Variants in CREBBP observed in about 807,000 individuals in gnomAD.
CREBBP encodes the protein CREB binding lysine acetyltransferase, also known as CREB-binding protein.
Under a neutral mutation model 265.0 loss-of-function variants are expected in CREBBP, and 19 were observed. The observed-to-expected ratio is 0.07, with a 90% CI of 0.05 to 0.11. The LOEUF is 0.11. Among genes scored for constraint, CREBBP ranks in the 10% least tolerant of loss-of-function variants. The pLI is 1.00. For missense variants in CREBBP, 2,525 were observed against 3,219.0 expected (o/e 0.78, Z 5.22); for synonymous variants, 1,457 against 1,223.7 (o/e 1.19, Z -3.98).
At chr16:3,839,164 A>G (rs146441438) in intron 2 of CREBBP, among the ~76,000 whole-genome samples, 2 of 152,356 alleles carry the variant, frequency 1.3e-5, no homozygotes, top group African/African-American at 2.4e-5. Flanking sequence ...GAGAGATTAA[A>G]TAAGTTTCCC....
At chr16:3,836,601 T>C (rs191942288) in intron 2 of CREBBP, among the ~76,000 whole-genome samples, 2 of 152,152 alleles carry the variant, frequency 1.3e-5, no homozygotes, top group East Asian at 3.9e-4. Flanking sequence ...TTTTGACAAA[T>C]ATAAGATCTG....
intron 2 of CREBBP, among the ~76,000 whole-genome samples, chr16:3,811,105 C>T (rs1247221337): frequency 6.6e-6 from 1 of 152,074 alleles, no homozygotes; most frequent in Non-Finnish European, 1.5e-5. Flanking sequence ...AAAGCTGCTA[C>T]CCAAGGGGAA....
chr16:3,824,228 G>A (rs148050078), intron 2 of CREBBP, among the ~76,000 whole-genome samples: 7 of 152,392 alleles, frequency 4.6e-5, no homozygotes, highest in East Asian at 1.9e-4. Flanking sequence ...CTGCAAAGGC[G>A]AGCTAAATGG....
rs376490970 is a variant in CREBBP at position 3,831,916 on chromosome 16, G to T, written c.798+18381C>A. Reference sequence around the variant, plus strand: ...GGAGGCTGACGTGGGAGAACTGTTTGAACCCAGGACGTGGAGGCTGCAGTG... The same window carrying T: ...GGAGGCTGACGTGGGAGAACTGTTTTAACCCAGGACGTGGAGGCTGCAGTG... On this transcript the variant is annotated intron_variant, in intron 2 of 30. Coordinates refer to ENST00000262367, the MANE Select transcript of CREBBP (RefSeq NM_004380.3). 2.6e-5 allele frequency among the ~76,000 whole-genome samples: 4 copies of T among 152,062 alleles called. No individual in the cohort carries two copies. In the East Asian group the frequency reaches 7.7e-4, roughly 29 times the overall value.
rs1390790733 is a variant in CREBBP, at chr16:3,774,574, G to A, written c.2278C>T (p.Pro760Ser). 1 of 1,614,042 alleles carries A rather than the reference G, an allele frequency of 6.2e-7. No homozygotes were observed. Among genetic ancestry groups the A allele is most frequent in the Non-Finnish European group, 8.5e-7 (1 of 1,180,030 alleles). The change falls in exon 12 of 31, where the codon CCA becomes TCA. Residue 760 changes from proline (P) to serine (S), a missense_variant. Pro to Ser is a moderately conservative substitution (Grantham distance 74). Coordinates refer to ENST00000262367, the MANE Select transcript of CREBBP (RefSeq NM_004380.3). Reference sequence around the variant, plus strand: ...CAGCGAAAGAGAACACTTACCCCTGGCACTGAGCCCATGCTGTTCATCTGG... The same window carrying A: ...CAGCGAAAGAGAACACTTACCCCTGACACTGAGCCCATGCTGTTCATCTGG... ...SVQMNSMGSV[P>S]GMAISPSRMP...
intron 2 of CREBBP, among the ~76,000 whole-genome samples, chr16:3,843,915 G>A (rs1439260007): frequency 5.9e-5 from 9 of 151,566 alleles, no homozygotes; most frequent in Non-Finnish European, 7.4e-5. Flanking sequence ...TTGGGAGGCC[G>A]AGGCGGGCGG....
Position 3,725,513 on chromosome 16 carries a change from G to A in CREBBP, c.*2205C>T, listed in dbSNP as rs1261979277. On this transcript the variant is annotated 3_prime_UTR_variant, in exon 31 of 31. Transcript: ENST00000262367. ...CCCTACGGGTGGAAAAGATGAAGAG[G>A]ACACTGGAGGTTAAGAACCCAGCAG... 1 of 233,212 alleles carries A rather than the reference G, an allele frequency of 4.3e-6. No homozygotes were observed. Among genetic ancestry groups the A allele is most frequent in the African/African-American group, 2.2e-5 (1 of 45,354 alleles). 14.4% of individuals were successfully genotyped at this position (233,212 alleles called of 1,614,324 possible).
Position 3,757,387 on chromosome 16 carries a change from A to G in CREBBP, c.3610-11T>C. 1 of 1,601,538 alleles carries G rather than the reference A, an allele frequency of 6.2e-7. No homozygotes were observed. On this transcript the variant is annotated splice_polypyrimidine_tract_variant and intron_variant, in intron 18 of 30. Transcript: ENST00000262367. ...TGGGGAAAACTCATACTGCAAAAAT[A>G]AAGGAGAAATACTTTTATATAAAAA...
At chr16:3,839,214 A>G (rs2054516343) in intron 2 of CREBBP, among the ~76,000 whole-genome samples, 2 of 152,248 alleles carry the variant, frequency 1.3e-5, no homozygotes, top group African/African-American at 4.8e-5. Context: ...GAACTGAGTC[A>G]GCTTATTCCA....
intron 15 of CREBBP, among the ~76,000 whole-genome samples, chr16:3,768,136 G>GTTTTTTTTTTTTTTTTTTTTTT (rs71133655): frequency 1.9e-5 from 1 of 51,610 alleles, no homozygotes; most frequent in Non-Finnish European, 3.5e-5. Context: ...ATTTAAAAGT[G>GTTTTTTTTTTTTTTTTTTTTTT]TTTTTTTTTT....
intron 28 of CREBBP, among the ~76,000 whole-genome samples, chr16:3,733,579 G>A (rs1366826319): frequency 2.0e-5 from 3 of 152,142 alleles, no homozygotes; most frequent in Non-Finnish European, 4.4e-5. Context: ...TTAGTAACAG[G>A]AGAAACTGCG....
At chr16:3,802,859 A>T (rs996786514) in intron 3 of CREBBP, among the ~76,000 whole-genome samples, 2 of 151,954 alleles carry the variant, frequency 1.3e-5, no homozygotes, top group Non-Finnish European at 2.9e-5. Flanking sequence ...TGGAAACCTG[A>T]CTCCTCCACA....
At chr16:3,855,834 A>C (rs2054950371) in intron 1 of CREBBP, among the ~76,000 whole-genome samples, 1 of 152,190 alleles carries the variant, frequency 6.6e-6, no homozygotes, top group South Asian at 2.1e-4. Flanking sequence ...ACTGTACAAT[A>C]TTTATTAAAT....
intron 1 of CREBBP, among the ~76,000 whole-genome samples, chr16:3,878,465 G>A (rs2055448635): frequency 6.6e-6 from 1 of 152,158 alleles, no homozygotes; most frequent in African/African-American, 2.4e-5. Flanking sequence ...ATCTCCTTAT[G>A]ATTGATCTTT....
In CREBBP at chr16:3,726,389, G is replaced by A. The variant is rs938708024; in HGVS notation, c.*1329C>T. On this transcript the variant is annotated 3_prime_UTR_variant, in exon 31 of 31. Transcript: ENST00000262367. ...TGAGCGACAATCACCTGTGAGCCTC[G>A]AATGTGTGGGGCCAACGCTGAGCCG... 21 of 233,064 alleles carry A rather than the reference G, an allele frequency of 9.0e-5. No individual in the cohort carries two copies. Among genetic ancestry groups the A allele is most frequent in the Middle Eastern group, 1.2e-3 (1 of 808 alleles). The allele number at this position is 233,064 out of a possible 1,614,324, so 14.4% of individuals were successfully genotyped here. A position where few individuals can be genotyped will look rare whatever the true frequency, so the allele number is the denominator to read the frequency against.
chr16:3,850,923 T>A lies in CREBBP; in HGVS notation c.172A>T (p.Asn58Tyr). ...TTGGAAGCAGCATCTGGAACAAGGT[T>A]CCCACTGTTTAAAAGGCCTAATTCT... ...GGELGLLNSG[N>Y]LVPDAASKHK... The change falls in exon 2 of 31, where the codon AAC becomes TAC. Residue 58 changes from asparagine to tyrosine, a missense_variant. Transcript: ENST00000262367. 6.2e-7 allele frequency: 1 copy of A among 1,614,188 alleles called. No homozygotes were observed. The highest frequency in any genetic ancestry group is 8.5e-7 in the Non-Finnish European group (1 of 1,180,040).
chr16:3,825,184 T>G (rs1177091409), intron 2 of CREBBP, among the ~76,000 whole-genome samples: 1 of 152,236 alleles, frequency 6.6e-6, no homozygotes, highest in Non-Finnish European at 1.5e-5. Context: ...TTCTCAGTAT[T>G]ATCTATCTCT....
intron 14 of CREBBP, 46 bp from the exon 15 acceptor site, chr16:3,769,399 A>T (rs1567297807): frequency 6.2e-7 from 1 of 1,609,646 alleles, no homozygotes; most frequent in South Asian, 1.1e-5. Flanking sequence ...AAGGTAACAT[A>T]AATGATCTTC....
intron 27 of CREBBP, 50 bp from the exon 28 acceptor site, chr16:3,736,253 C>G: frequency 6.3e-7 from 1 of 1,584,262 alleles, no homozygotes; most frequent in African/African-American, 1.3e-5. Flanking sequence ...ACGCGTGCCC[C>G]CCACCATGGT....
Sources: allele counts gnomAD v4.1 joint callset (sites outside exome capture counted in the v4.1 genomes callset), GRCh38; gene constraint gnomAD v4.1.1; transcripts MANE v1.5; gene names NCBI Gene and HGNC (gene_info 2026-07-23, HGNC 2026-07-21).